CAMK2D: variants seen among roughly 807,000 people sequenced by gnomAD.
CAMK2D encodes calcium/calmodulin-dependent protein kinase type II subunit delta.
Under a neutral mutation model 84.0 loss-of-function variants are expected in CAMK2D, and 37 were observed. The ratio of observed to expected loss-of-function variants is 0.44; its 90% CI spans 0.34 to 0.58. The LOEUF is 0.58. Among genes scored for constraint, CAMK2D ranks in the 20% least tolerant of loss-of-function variants. The pLI is 0.02. For missense variants in CAMK2D, 448 were observed against 652.5 expected (o/e 0.69, Z 3.41); for synonymous variants, 202 against 212.5 (o/e 0.95, Z 0.43).
At chr4:113,640,771 T>A (rs777716976) in intron 3 of CAMK2D, among the ~76,000 whole-genome samples, 2 of 152,240 alleles carry the variant, frequency 1.3e-5, no homozygotes, top group Admixed American at 6.5e-5. Flanking sequence ...TTTCAGAAAC[T>A]GTTCAACAAG....
intron 2 of CAMK2D, among the ~76,000 whole-genome samples, chr4:113,743,210 G>A (rs1028641739): frequency 6.6e-6 from 1 of 152,092 alleles, no homozygotes; most frequent in African/African-American, 2.4e-5. Context: ...ACAATATCAA[G>A]GATTTTGCTA....
intron 16 of CAMK2D, among the ~76,000 whole-genome samples, chr4:113,497,723 A>G (rs1435674327): frequency 6.6e-6 from 1 of 152,216 alleles, no homozygotes; most frequent in Non-Finnish European, 1.5e-5. Context: ...GGGATGGGGC[A>G]GAATGTGCAC....
chr4:113,642,080 G>C (rs928903926), intron 3 of CAMK2D, among the ~76,000 whole-genome samples: 1 of 152,022 alleles, frequency 6.6e-6, no homozygotes, highest in African/African-American at 2.4e-5. Context: ...AAATTAAAAA[G>C]TGGTAGATTC....
intron 3 of CAMK2D, among the ~76,000 whole-genome samples, chr4:113,655,056 T>C (rs2099192776): frequency 6.6e-6 from 1 of 152,168 alleles, no homozygotes; most frequent in South Asian, 2.1e-4. Context: ...AAATTAATCG[T>C]CTTACAAAAT....
At chr4:113,636,227 C>G (rs1324863476) in intron 3 of CAMK2D, among the ~76,000 whole-genome samples, 1 of 152,160 alleles carries the variant, frequency 6.6e-6, no homozygotes, top group East Asian at 1.9e-4. Context: ...TATCCTTGAC[C>G]TCTCTCTGTC....
At chr4:113,573,622 G>A (rs1452350720) in intron 4 of CAMK2D, among the ~76,000 whole-genome samples, 1 of 152,156 alleles carries the variant, frequency 6.6e-6, no homozygotes, top group Non-Finnish European at 1.5e-5. Flanking sequence ...TGTATAATAA[G>A]GCAACCAGAA....
At chr4:113,626,013 CAAA>C (rs111374173) in intron 3 of CAMK2D, among the ~76,000 whole-genome samples, 1 of 120,256 alleles carries the variant, frequency 8.3e-6, no homozygotes, top group Admixed American at 8.6e-5. Flanking sequence ...GATATCATCT[CAAA>C]AAAAAAAAAA....
intron 6 of CAMK2D, among the ~76,000 whole-genome samples, chr4:113,547,070 C>G (rs2098582757): frequency 1.3e-5 from 2 of 152,112 alleles, no homozygotes; most frequent in South Asian, 4.1e-4. Flanking sequence ...TTAGAAGACA[C>G]TATTATCTTG....
chr4:113,655,555 A>G (rs1321451136), intron 3 of CAMK2D, among the ~76,000 whole-genome samples: 1 of 152,142 alleles, frequency 6.6e-6, no homozygotes, highest in Admixed American at 6.6e-5. Context: ...GTTAATCTAC[A>G]AATATAAATG....
At chr4:113,626,943 A>T (rs2099070649) in intron 3 of CAMK2D, among the ~76,000 whole-genome samples, 1 of 152,198 alleles carries the variant, frequency 6.6e-6, no homozygotes, top group South Asian at 2.1e-4. Context: ...TTCAGACACA[A>T]ATTCAACATT....
rs541464657 is a variant in CAMK2D, at chr4:113,735,389, C to G, written c.160+23931G>C. On this transcript the variant is annotated intron_variant, in intron 2 of 20. Coordinates refer to ENST00000511664, the MANE Select transcript of CAMK2D (RefSeq NM_001321571.2). The stretch of plus-strand genomic sequence containing the variant: ...ACTTGGGAGGCTGAGGTGGGAGGAT[C>G]GCTTGAGCCCGCGAGGCAGAGGTTG... Among the ~76,000 whole-genome samples, 366 of 147,938 alleles carry G rather than the reference C, an allele frequency of 2.5e-3. 3 individuals carry two copies. The highest frequency in any genetic ancestry group is 8.7e-3 in the African/African-American group (348 of 40,106).
chr4:113,461,793 A>T (rs2154106556), intron 17 of CAMK2D, among the ~76,000 whole-genome samples: 1 of 152,266 alleles, frequency 6.6e-6, no homozygotes. Flanking sequence ...ATTTGGGTGG[A>T]GGGGGAGCAA....
rs557723531 is a variant in CAMK2D at position 113,761,074 on chromosome 4, G to C, written c.-6C>G. 6.2e-7 allele frequency: 1 copy of C among 1,614,100 alleles called. No homozygotes were observed. The highest frequency in any genetic ancestry group is 2.2e-5 in the East Asian group (1 of 44,886). On this transcript the variant is annotated 5_prime_UTR_variant, in exon 1 of 21. Transcript: ENST00000511664. Reference sequence around the variant, plus strand: ...CAGGTTGTGGTCGAAGCCATCCTCGGTCCGGGCTGTGCCCTGGCTGGGAGC... The same window carrying C: ...CAGGTTGTGGTCGAAGCCATCCTCGCTCCGGGCTGTGCCCTGGCTGGGAGC...
chr4:113,623,060 TA>T (rs1366075453), intron 3 of CAMK2D, among the ~76,000 whole-genome samples: 1 of 152,088 alleles, frequency 6.6e-6, no homozygotes, highest in Non-Finnish European at 1.5e-5. Context: ...TTTACTCCTT[TA>T]CAAAAAAAGT....
intron 4 of CAMK2D, among the ~76,000 whole-genome samples, chr4:113,578,733 T>C (rs2098795168): frequency 6.6e-6 from 1 of 152,214 alleles, no homozygotes; most frequent in South Asian, 2.1e-4. Flanking sequence ...TCTTCTCATT[T>C]CTTCCCCTAA....
chr4:113,760,422 G>A (rs76788354), intron 1 of CAMK2D, among the ~76,000 whole-genome samples: 1 of 152,182 alleles, frequency 6.6e-6, no homozygotes, highest in Non-Finnish European at 1.5e-5. Flanking sequence ...ACTGGATATA[G>A]GGCAAGGGGT....
intron 4 of CAMK2D, among the ~76,000 whole-genome samples, chr4:113,607,425 A>C (rs1328029329): frequency 6.6e-6 from 1 of 152,154 alleles, no homozygotes; most frequent in African/African-American, 2.4e-5. Context: ...GCCTGCAGGT[A>C]CGCATTAAGA....
At chr4:113,641,653 C>A (rs906938929) in intron 3 of CAMK2D, among the ~76,000 whole-genome samples, 1 of 152,206 alleles carries the variant, frequency 6.6e-6, no homozygotes, top group Admixed American at 6.5e-5. Context: ...ACTAGCACAA[C>A]GTTTTTTATA....
At chr4:113,686,070 A>C (rs942073369) in intron 2 of CAMK2D, among the ~76,000 whole-genome samples, 3 of 152,188 alleles carry the variant, frequency 2.0e-5, no homozygotes, top group African/African-American at 7.2e-5. Flanking sequence ...CTCAAAAAAA[A>C]AAAAAAGTGA....
Sources: gnomAD v4.1 joint callset for allele counts (sites outside exome capture counted in the v4.1 genomes callset) on GRCh38, gnomAD v4.1.1 for gene constraint, MANE v1.5 for transcripts, NCBI Gene and HGNC (gene_info 2026-07-23, HGNC 2026-07-21) for gene names.